Variants in CD200R1 observed in about 807,000 individuals in gnomAD.
The protein encoded by CD200R1 is cell surface glycoprotein CD200 receptor 1.
A neutral mutation model predicts 38.1 loss-of-function variants in CD200R1; 30 were observed. The ratio of observed to expected loss-of-function variants is 0.79; its 90% confidence interval spans 0.59 to 1.07. The LOEUF (loss-of-function observed/expected upper bound fraction) is 1.07, where lower values mean the gene tolerates loss of function less well. CD200R1 is among the 50% of genes least tolerant of loss of function. The pLI is 0.00. For synonymous variants in CD200R1, 128 were observed against 152.1 expected, an observed-to-expected ratio of 0.84 and a Z score of 1.16; for missense variants, 372 against 415.4, an observed-to-expected ratio of 0.90 and a Z score of 0.91.
intron 1 of CD200R1, among the ~76,000 whole-genome samples, chr3:112,963,416 G>A (rs79530368): frequency 9.9e-5 from 15 of 152,264 alleles, no homozygotes; most frequent in East Asian, 5.8e-4. Context: ...ATAATGATAC[G>A]GACAATGAAA....
At chr3:112,959,055 T>C (rs978583401) in intron 1 of CD200R1, among the ~76,000 whole-genome samples, 4 of 152,140 alleles carry the variant, frequency 2.6e-5, no homozygotes, top group Admixed American at 6.6e-5. Context: ...TTTTATTTAA[T>C]GTAAAATGCT....
intron 2 of CD200R1, among the ~76,000 whole-genome samples, chr3:112,943,885 C>T (rs1035036772): frequency 6.6e-6 from 1 of 151,712 alleles, no homozygotes. Context: ...TGAAAAGATA[C>T]AACCTGCCAA....
intron 2 of CD200R1, among the ~76,000 whole-genome samples, chr3:112,933,187 C>T (rs951207723): frequency 1.3e-5 from 2 of 152,126 alleles, no homozygotes; most frequent in Admixed American, 6.6e-5. Flanking sequence ...GAGTGGCTGC[C>T]CACCCACTCC....
At chr3:112,971,442 T>C (rs1447576671) in intron 1 of CD200R1, among the ~76,000 whole-genome samples, 2 of 152,092 alleles carry the variant, frequency 1.3e-5, no homozygotes, top group Non-Finnish European at 2.9e-5. Flanking sequence ...TGTCCTCCCT[T>C]CCTATACTGA....
chr3:112,970,251 A>C (rs1933269365), intron 1 of CD200R1, among the ~76,000 whole-genome samples: 1 of 152,116 alleles, frequency 6.6e-6, no homozygotes, highest in South Asian at 2.1e-4. Flanking sequence ...TTCCTTAAAG[A>C]TTTTGGTCCT....
chr3:112,960,924 G>C (rs1933000973), intron 1 of CD200R1, among the ~76,000 whole-genome samples: 1 of 151,778 alleles, frequency 6.6e-6, no homozygotes, highest in African/African-American at 2.4e-5. Flanking sequence ...TTTATTTTTA[G>C]CATTTTAAAA....
In CD200R1 at chr3:112,947,737, TATA is replaced by T. The variant is rs1471872288; in HGVS notation, c.136+116_136+118del. ...TGAAAAATTTATTAACACTCTTAAA[TATA>T]ATATCATTTAGATAATACAGATAAT... On this transcript the variant is annotated intron_variant, in intron 2 of 7. Coordinates refer to ENST00000308611, the MANE Select transcript of CD200R1 (RefSeq NM_138806.4). 1.6e-5 allele frequency: 10 copies of T among 610,688 alleles called. No homozygotes were observed. In the Admixed American group the frequency reaches 1.9e-4, roughly 11 times the overall value. The allele number at this position is 610,688 out of a possible 1,614,324, so 37.8% of individuals were successfully genotyped here. A position where few individuals can be genotyped will look rare whatever the true frequency, so the allele number is the denominator to read the frequency against.
At chr3:112,933,900 G>A (rs960687883) in intron 2 of CD200R1, among the ~76,000 whole-genome samples, 3 of 151,918 alleles carry the variant, frequency 2.0e-5, no homozygotes, top group Admixed American at 6.6e-5. Flanking sequence ...TGAACTTGAA[G>A]ACAAGTCTTT....
chr3:112,941,171 A>G (rs1162525741), intron 2 of CD200R1, among the ~76,000 whole-genome samples: 3 of 151,734 alleles, frequency 2.0e-5, no homozygotes, highest in Non-Finnish European at 4.4e-5. Flanking sequence ...AAAGGGGGGA[A>G]TAGAGGAAAT....
chr3:112,951,855 T>C (rs187922196), intron 1 of CD200R1, among the ~76,000 whole-genome samples: 1 of 150,738 alleles, frequency 6.6e-6, no homozygotes, highest in East Asian at 1.9e-4. Flanking sequence ...AACTGTAAAA[T>C]ATTGCTGAGG....
At chr3:112,972,239 T>C (rs1028204145) in intron 1 of CD200R1, among the ~76,000 whole-genome samples, 1 of 152,192 alleles carries the variant, frequency 6.6e-6, no homozygotes. Context: ...ACTAAAGTTA[T>C]TAATAAGGAC....
At chr3:112,928,153 A>G (rs1559943924) in intron 5 of CD200R1, among the ~76,000 whole-genome samples, 1 of 152,232 alleles carries the variant, frequency 6.6e-6, no homozygotes, top group Non-Finnish European at 1.5e-5. Context: ...ACTAATTACC[A>G]GAAGAAACAC....
At chr3:112,962,016 A>G (rs1045815708) in intron 1 of CD200R1, among the ~76,000 whole-genome samples, 1 of 152,198 alleles carries the variant, frequency 6.6e-6, no homozygotes, top group African/African-American at 2.4e-5. Flanking sequence ...ACAACAATTC[A>G]ATAATGAATT....
intron 2 of CD200R1, among the ~76,000 whole-genome samples, chr3:112,943,610 G>C (rs1005507838): frequency 2.6e-5 from 4 of 151,196 alleles, no homozygotes; most frequent in Non-Finnish European, 4.4e-5. Context: ...TTAAGCAGAA[G>C]AAAATATAAA....
intron 1 of CD200R1, among the ~76,000 whole-genome samples, chr3:112,970,038 C>A (rs968968088): frequency 6.6e-6 from 1 of 151,778 alleles, no homozygotes; most frequent in Non-Finnish European, 1.5e-5. Flanking sequence ...ATTAGCCTGG[C>A]GTGGTGGTGC....
intron 1 of CD200R1, among the ~76,000 whole-genome samples, chr3:112,974,126 T>C (rs1327368418): frequency 6.6e-6 from 1 of 151,864 alleles, no homozygotes; most frequent in Non-Finnish European, 1.5e-5. Flanking sequence ...AGCGTTCTTA[T>C]CTTAAAAAAA....
At chr3:112,940,817 G>A (rs143229738) in intron 2 of CD200R1, among the ~76,000 whole-genome samples, 76 of 151,664 alleles carry the variant, frequency 5.0e-4, no homozygotes, top group African/African-American at 1.8e-3. Flanking sequence ...TCAAAGGAAA[G>A]GAAATAAATA....
chr3:112,971,761 C>A (rs1180231564), intron 1 of CD200R1, among the ~76,000 whole-genome samples: 1 of 152,178 alleles, frequency 6.6e-6, no homozygotes, highest in Admixed American at 6.5e-5. Context: ...TTATTTCCTA[C>A]TATTATTTAA....
intron 1 of CD200R1, among the ~76,000 whole-genome samples, chr3:112,966,878 AC>A (rs1217601775): frequency 5.3e-5 from 8 of 151,416 alleles, no homozygotes; most frequent in Admixed American, 5.3e-4. Flanking sequence ...CTTCCCACTC[AC>A]TCCCTCCTCA....
Sources: gnomAD v4.1 joint callset for allele counts (sites outside exome capture counted in the v4.1 genomes callset) on GRCh38, gnomAD v4.1.1 for gene constraint, MANE v1.5 for transcripts, NCBI Gene and HGNC (gene_info 2026-07-23, HGNC 2026-07-21) for gene names.